The following NOL10 variants were observed in gnomAD, a reference collection of about 807,000 sequenced individuals.
NOL10 encodes the protein nucleolar protein 10, also known as H_NH0074G24.1.
In NOL10, 58 loss-of-function variants were observed where a neutral mutation model predicts 103.5. The observed-to-expected ratio is 0.56, with a 90% CI of 0.45 to 0.70. NOL10 has a LOEUF of 0.70. NOL10 is among the 30% of genes least tolerant of loss of function. The pLI is 0.00. For missense variants in NOL10, 763 were observed against 807.3 expected, an observed-to-expected ratio of 0.95 and a Z score of 0.67; for synonymous variants, 287 against 282.5, an observed-to-expected ratio of 1.02 and a Z score of -0.16.
intron 14 of NOL10, among the ~76,000 whole-genome samples, chr2:10,605,231 T>C (rs534918786): frequency 6.6e-6 from 1 of 152,324 alleles, no homozygotes; most frequent in East Asian, 1.9e-4. Context: ...CACCCAGTCC[T>C]TTTTACAGAC....
intron 20 of NOL10, among the ~76,000 whole-genome samples, chr2:10,573,903 G>A (rs753099123): frequency 1.3e-5 from 2 of 152,052 alleles, no homozygotes; most frequent in Non-Finnish European, 2.9e-5. Context: ...TGCCTTCCTC[G>A]TGCTCTGCTT....
chr2:10,623,541 T>G (rs1677269647), intron 13 of NOL10, among the ~76,000 whole-genome samples: 1 of 152,252 alleles, frequency 6.6e-6, no homozygotes, highest in Non-Finnish European at 1.5e-5. Flanking sequence ...ACCTGTACTA[T>G]CTGTTCCTTT....
chr2:10,596,094 C>CTTTAATATAAGT (rs1490433802), intron 17 of NOL10, among the ~76,000 whole-genome samples: 1 of 151,946 alleles, frequency 6.6e-6, no homozygotes, highest in East Asian at 1.9e-4. Context: ...TGAGGTATTA[C>CTTTAATATAAGT]TTTAATATAA....
At chr2:10,609,307 G>T (rs1676423404) in intron 13 of NOL10, among the ~76,000 whole-genome samples, 1 of 151,850 alleles carries the variant, frequency 6.6e-6, no homozygotes, top group Admixed American at 6.6e-5. Flanking sequence ...GGACTTCATG[G>T]CCGGGCGCGG....
At chr2:10,633,477 A>C (rs950209913) in intron 13 of NOL10, among the ~76,000 whole-genome samples, 5 of 151,534 alleles carry the variant, frequency 3.3e-5, no homozygotes, top group Non-Finnish European at 7.4e-5. Context: ...TATACAGCCC[A>C]TAAGTTATTC....
chr2:10,611,597 A>T (rs1245107014), intron 13 of NOL10, among the ~76,000 whole-genome samples: 3 of 152,210 alleles, frequency 2.0e-5, no homozygotes, highest in Admixed American at 6.5e-5. Flanking sequence ...CCTGGGCAAC[A>T]CAGTGAGATC....
chr2:10,589,030 C>T lies in NOL10; in HGVS notation c.1844+13G>A. 1.2e-6 allele frequency: 2 copies of T among 1,612,932 alleles called. No individual in the cohort carries two copies. The highest frequency in any genetic ancestry group is 2.7e-5 in the African/African-American group (2 of 74,984). ...GTTACATGTCAACTGTGCGCTCAGG[C>T]AGTGCTACTCACTTCATCAGTTTCT... On this transcript the variant is annotated intron_variant, in intron 19 of 20. Transcript: ENST00000381685.
rs147430720 is a variant in NOL10, at chr2:10,630,655, C to T, written c.1026+13665G>A. 4.1e-3 allele frequency among the ~76,000 whole-genome samples: 617 copies of T among 152,206 alleles called. 13 individuals carry two copies. The highest frequency in any genetic ancestry group is 0.029 in the Admixed American group (438 of 15,290). On this transcript the variant is annotated intron_variant, in intron 13 of 20. Coordinates refer to ENST00000381685, the MANE Select transcript of NOL10 (RefSeq NM_024894.4). ...GTGTGAACCTGGGAGGTGAAGCTTG[C>T]AGTGAGCTGAGATCGTGCCACTGCC...
intron 3 of NOL10, among the ~76,000 whole-genome samples, chr2:10,678,292 TC>T (rs976283209): frequency 1.3e-5 from 2 of 151,970 alleles, no homozygotes; most frequent in Non-Finnish European, 2.9e-5. Context: ...CCTCAATTAA[TC>T]CTCCTGCCTC....
intron 17 of NOL10, among the ~76,000 whole-genome samples, chr2:10,596,508 G>A (rs112513453): frequency 2.0e-5 from 3 of 152,070 alleles, no homozygotes; most frequent in Admixed American, 6.5e-5. Flanking sequence ...TAGATCCCTC[G>A]CATGCGCAGT....
intron 13 of NOL10, among the ~76,000 whole-genome samples, chr2:10,627,695 C>T (rs1356924867): frequency 7.2e-6 from 1 of 138,812 alleles, no homozygotes; most frequent in South Asian, 2.3e-4. Flanking sequence ...AACAAACAAA[C>T]AAACAAAAAA....
At chr2:10,676,244 T>A (rs1447289986) in intron 3 of NOL10, among the ~76,000 whole-genome samples, 1 of 152,216 alleles carries the variant, frequency 6.6e-6, no homozygotes, top group Non-Finnish European at 1.5e-5. Flanking sequence ...TACAACTTCT[T>A]TGAAGGACAA....
At chr2:10,687,290 A>G (rs531908273) in intron 1 of NOL10, among the ~76,000 whole-genome samples, 2 of 152,290 alleles carry the variant, frequency 1.3e-5, no homozygotes, top group Non-Finnish European at 2.9e-5. Context: ...GCATCATGCC[A>G]AAGTCGATGG....
chr2:10,622,017 T>C, intron 13 of NOL10: 1 of 468,994 alleles, frequency 2.1e-6, no homozygotes, highest in Admixed American at 2.4e-5. Flanking sequence ...AGTACTCACA[T>C]TTCAAGTGCT....
At chr2:10,632,631 CA>C (rs1302254939) in intron 13 of NOL10, among the ~76,000 whole-genome samples, 1 of 152,120 alleles carries the variant, frequency 6.6e-6, no homozygotes, top group East Asian at 1.9e-4. Context: ...GAAAAGGCCC[CA>C]AATAGTCCAA....
At chr2:10,615,116 T>A (rs1200143517) in intron 13 of NOL10, among the ~76,000 whole-genome samples, 1 of 152,244 alleles carries the variant, frequency 6.6e-6, no homozygotes, top group African/African-American at 2.4e-5. Flanking sequence ...ATGAGCTGCC[T>A]AATTGCATAT....
At chr2:10,610,317 C>T (rs772009850) in intron 13 of NOL10, among the ~76,000 whole-genome samples, 2 of 152,150 alleles carry the variant, frequency 1.3e-5, no homozygotes, top group Non-Finnish European at 2.9e-5. Flanking sequence ...TCACATAGCC[C>T]TCTTTTATAA....
rs1023047222 is a variant in NOL10 at position 10,588,900 on chromosome 2, A to G, written c.1844+143T>C. On this transcript the variant is annotated intron_variant, in intron 19 of 20. Transcript: ENST00000381685. ...CTCACATCACCTCCTGCACGGCCTT[A>G]CCTCCCCTGCTTCCCTCGTCCCCTC... The G allele has an allele frequency of 3.2e-6, 4 of 1,259,938 alleles. No individual in the cohort carries two copies. The African/African-American group carries it at 6.0e-5, about 19-fold the overall frequency. 78.0% of individuals were successfully genotyped at this position (1,259,938 alleles called of 1,614,324 possible).
chr2:10,585,484 A>G (rs961957811), intron 19 of NOL10, among the ~76,000 whole-genome samples: 3 of 152,252 alleles, frequency 2.0e-5, no homozygotes, highest in African/African-American at 7.2e-5. Context: ...AAACTGTATA[A>G]ACCAATGTTC....
Sources: allele counts gnomAD v4.1 joint callset (sites outside exome capture counted in the v4.1 genomes callset), GRCh38; gene constraint gnomAD v4.1.1; transcripts MANE v1.5; gene names NCBI Gene and HGNC (gene_info 2026-07-23, HGNC 2026-07-21).